Variants in RGS5 observed in about 807,000 individuals in gnomAD.
RGS5 encodes regulator of G protein signaling 5, also known as regulator of G-protein signalling 5.
Under a neutral mutation model 18.9 loss-of-function variants are expected in RGS5, and 20 were observed. The observed-to-expected ratio is 1.06, with a 90% CI of 0.74 to 1.54. The LOEUF (loss-of-function observed/expected upper bound fraction) is 1.54. Ranked by LOEUF, RGS5 falls within the 40% of genes most tolerant of loss-of-function variation. The pLI is 0.00. For missense variants in RGS5, 201 were observed against 211.8 expected, an observed-to-expected ratio of 0.95 and a Z score of 0.32; for synonymous variants, 57 against 76.2, an observed-to-expected ratio of 0.75 and a Z score of 1.31.
At chr1:163,300,032 C>T (rs560787843) in intron 2 of RGS5, among the ~76,000 whole-genome samples, 1 of 152,288 alleles carries the variant, frequency 6.6e-6, no homozygotes, top group South Asian at 2.1e-4. Flanking sequence ...CAATGCTTGC[C>T]TCATCTATCA....
chr1:163,229,349 A>G (rs748523603), intron 2 of RGS5, among the ~76,000 whole-genome samples: 40 of 152,140 alleles, frequency 2.6e-4, no homozygotes, highest in Non-Finnish European at 4.7e-4. Flanking sequence ...AGACTTACCC[A>G]TTATCATGAG....
chr1:163,303,846 G>A lies in RGS5; in HGVS notation c.-281+2387C>T, dbSNP rs184757215. On this transcript the variant is annotated intron_variant, in intron 2 of 5. Transcript: ENST00000618415. ...GAACCCTATTGCAAACTGCTCATGCGAGGGATCTAGGTTGCACACTACTTA... is the reference window on the plus strand; with the variant it reads ...GAACCCTATTGCAAACTGCTCATGCAAGGGATCTAGGTTGCACACTACTTA... Among the ~76,000 whole-genome samples the A allele has an allele frequency of 4.7e-4, 72 of 152,230 alleles. 1 individual carries two copies. In the East Asian group the frequency reaches 6.0e-3, roughly 13 times the overall value.
chr1:163,278,058 G>GA (rs1338114633), intron 2 of RGS5, among the ~76,000 whole-genome samples: 2 of 151,608 alleles, frequency 1.3e-5, no homozygotes, highest in Non-Finnish European at 2.9e-5. Flanking sequence ...TAAAATTTCA[G>GA]AAAAAGAAGA....
intron 2 of RGS5, among the ~76,000 whole-genome samples, chr1:163,279,637 T>C (rs538623244): frequency 6.6e-6 from 1 of 151,870 alleles, no homozygotes; most frequent in East Asian, 1.9e-4. Context: ...AACCCCAAAA[T>C]TTGTAGAAGA....
upstream of RGS5, among the ~76,000 whole-genome samples, chr1:163,205,854 A>G (rs1659942644): frequency 6.6e-6 from 1 of 152,180 alleles, no homozygotes; most frequent in Non-Finnish European, 1.5e-5. Flanking sequence ...AACTATTATT[A>G]GCAATATATT....
chr1:163,159,704 A>G (rs1052706117), intron 3 of RGS5, among the ~76,000 whole-genome samples: 7 of 152,222 alleles, frequency 4.6e-5, no homozygotes, highest in Non-Finnish European at 8.8e-5. Flanking sequence ...TTAATTGCCC[A>G]GGTCTTAAAA....
At chr1:163,230,107 T>C (rs182399349) in intron 2 of RGS5, among the ~76,000 whole-genome samples, 1 of 152,334 alleles carries the variant, frequency 6.6e-6, no homozygotes, top group East Asian at 1.9e-4. Context: ...GCTTTCACCA[T>C]TGATTGTGAA....
chr1:163,175,656 C>T (rs977126428), intron 1 of RGS5, among the ~76,000 whole-genome samples: 2 of 152,178 alleles, frequency 1.3e-5, no homozygotes, highest in African/African-American at 4.8e-5. Context: ...CTGAATTTAC[C>T]TACTTCAGTT....
chr1:163,217,448 A>G, intron 1 of RGS5: 1 of 1,400,178 alleles, frequency 7.1e-7, no homozygotes, highest in Non-Finnish European at 9.3e-7. Context: ...ATCCTTCCAC[A>G]AAATAACTAT....
intron 2 of RGS5, chr1:163,238,008 T>C (rs1177267415): frequency 6.5e-6 from 1 of 154,354 alleles, no homozygotes; most frequent in Non-Finnish European, 1.5e-5. Flanking sequence ...TCTGTGTTTT[T>C]AGATTTTAAT....
At chr1:163,275,285 A>G (rs1232980983) in intron 2 of RGS5, among the ~76,000 whole-genome samples, 5 of 152,028 alleles carry the variant, frequency 3.3e-5, no homozygotes, top group African/African-American at 1.2e-4. Flanking sequence ...TGATCAACCT[A>G]GGACATTCAA....
intron 2 of RGS5, among the ~76,000 whole-genome samples, chr1:163,242,928 T>C (rs746482558): frequency 1.3e-5 from 2 of 152,210 alleles, no homozygotes; most frequent in Non-Finnish European, 2.9e-5. Context: ...GGAGTTTCTA[T>C]AACTGCAACT....
At chr1:163,261,890 T>A (rs2662778) in intron 2 of RGS5, among the ~76,000 whole-genome samples, 35,978 of 151,578 alleles carry the variant, frequency 0.24, 5,584 homozygotes, top group East Asian at 0.66. Context: ...TATTTTTTTT[T>A]AAAATTATTT....
At chr1:163,182,316 G>C (rs1197566337) in intron 1 of RGS5, among the ~76,000 whole-genome samples, 3 of 152,168 alleles carry the variant, frequency 2.0e-5, no homozygotes, top group Non-Finnish European at 4.4e-5. Flanking sequence ...CCTATGGAGT[G>C]ACAAAGAAAG....
At chr1:163,157,810 C>T (rs770623304) in intron 3 of RGS5, among the ~76,000 whole-genome samples, 18 of 152,118 alleles carry the variant, frequency 1.2e-4, no homozygotes, top group African/African-American at 2.4e-4. Context: ...CTCAAGCCAT[C>T]GTCCTGCCTC....
At chr1:163,237,649 C>T (rs1647665586) in intron 2 of RGS5, 1 of 152,312 alleles carries the variant, frequency 6.6e-6, no homozygotes, top group Non-Finnish European at 1.5e-5. Flanking sequence ...AGCACCACTG[C>T]CCTCCAGCCT....
intron 2 of RGS5, among the ~76,000 whole-genome samples, chr1:163,231,102 A>C (rs1248142496): frequency 2.0e-5 from 3 of 152,344 alleles, no homozygotes; most frequent in Admixed American, 6.5e-5. Flanking sequence ...TGCATGTCAG[A>C]AGCTGTGGGA....
In RGS5 at chr1:163,151,928, G is replaced by A. The variant is rs73024732; in HGVS notation, c.384+622C>T. Among the ~76,000 whole-genome samples the A allele has an allele frequency of 1.9e-3, 293 of 152,220 alleles. 1 individual carries two copies. Among genetic ancestry groups the A allele is most frequent in the African/African-American group, 6.6e-3 (275 of 41,534 alleles). ...ATAATGAGATAAGATATCTTAATAT[G>A]AGACCCAAGTCTAAACACAAAGTTC... is the stretch of plus-strand genomic sequence containing the variant. On this transcript the variant is annotated intron_variant, in intron 4 of 4. Coordinates refer to ENST00000313961, the MANE Select transcript of RGS5 (RefSeq NM_003617.4).
upstream of RGS5, among the ~76,000 whole-genome samples, chr1:163,218,218 A>C (rs1660259225): frequency 2.0e-5 from 3 of 152,268 alleles, no homozygotes; most frequent in South Asian, 6.2e-4. Flanking sequence ...GCATATGTGA[A>C]CTTGAATGAG....
Sources: gnomAD v4.1 joint callset for allele counts (sites outside exome capture counted in the v4.1 genomes callset) on GRCh38, gnomAD v4.1.1 for gene constraint, MANE v1.5 for transcripts, NCBI Gene and HGNC (gene_info 2026-07-23, HGNC 2026-07-21) for gene names.